Variants in PCYT1A observed in about 807,000 individuals in gnomAD.
PCYT1A encodes the protein phosphate cytidylyltransferase 1A, choline.
PCYT1A carries 25 observed loss-of-function variants against 43.7 expected under a neutral mutation model. That is an observed-to-expected ratio of 0.57 (90% CI 0.42 to 0.80). The LOEUF is 0.80. Among genes scored for constraint, PCYT1A ranks in the 30% least tolerant of loss-of-function variants. PCYT1A has a pLI of 0.00. For missense variants in PCYT1A, 421 were observed against 474.2 expected, an observed-to-expected ratio of 0.89 and a Z score of 1.04; for synonymous variants, 172 against 170.7, an observed-to-expected ratio of 1.01 and a Z score of -0.06.
chr3:196,268,050 G>C lies in PCYT1A; in HGVS notation c.117+2365C>G, dbSNP rs1725326725. 6.6e-6 allele frequency among the ~76,000 whole-genome samples: 1 copy of C among 151,880 alleles called. No individual in the cohort carries two copies. The highest frequency in any genetic ancestry group is 6.6e-5 in the Admixed American group (1 of 15,238). On this transcript the variant is annotated intron_variant, in intron 2 of 8. Coordinates refer to ENST00000431016, the MANE Select transcript of PCYT1A (RefSeq NM_001312673.2). The surrounding 1 kb of genome is among the most constrained non-coding windows in gnomAD (Gnocchi z 4.4). The stretch of plus-strand genomic sequence containing the variant: ...AGGGAGGAATGTGGAATAGGTAGCA[G>C]CAAGTCACTGAACTGATTTCACATG...
intron 3 of PCYT1A, among the ~76,000 whole-genome samples, chr3:196,249,051 C>T (rs1023040967): frequency 6.6e-6 from 1 of 151,672 alleles, no homozygotes; most frequent in Non-Finnish European, 1.5e-5. Flanking sequence ...TGAGCAACCG[C>T]GCCCGGCCCA....
chr3:196,239,447 T>C, intron 8 of PCYT1A, 100 bp downstream of exon 8: 2 of 718,640 alleles, frequency 2.8e-6, no homozygotes, highest in Non-Finnish European at 4.8e-6. Context: ...GGGGATAGAC[T>C]AGATAACTTC....
At chr3:196,267,158 G>A (rs370574416) in intron 2 of PCYT1A, 11 of 264,444 alleles carry the variant, frequency 4.2e-5, no homozygotes, top group African/African-American at 1.1e-4. Context: ...CAGCTTGGGC[G>A]ACAGAGCGAG....
intron 2 of PCYT1A, among the ~76,000 whole-genome samples, chr3:196,262,184 T>C (rs1266739685): frequency 2.0e-5 from 3 of 152,206 alleles, no homozygotes; most frequent in Admixed American, 2.0e-4. Flanking sequence ...TAAGACTATC[T>C]GGTAGTGAGG....
intron 1 of PCYT1A, among the ~76,000 whole-genome samples, chr3:196,274,314 A>G (rs1228477900): frequency 6.6e-6 from 1 of 152,160 alleles, no homozygotes; most frequent in Non-Finnish European, 1.5e-5. Context: ...ACCTACTCCC[A>G]GCTCCCAGTG....
At position 196,242,731 on chromosome 3, in the gene PCYT1A, G is replaced by A; in HGVS notation, c.487-91C>T. 1 of 844,498 alleles carries A rather than the reference G, an allele frequency of 1.2e-6. No homozygotes were observed. The highest frequency in any genetic ancestry group is 2.1e-6 in the Non-Finnish European group (1 of 483,184). The allele number at this position is 844,498 out of a possible 1,614,324, so 52.3% of individuals were successfully genotyped here. On this transcript the variant is annotated intron_variant, in intron 5 of 8. Transcript: ENST00000431016. This position sits in a 1 kb window ranked among gnomAD's most constrained non-coding sequence, Gnocchi z 4.2. ...CTCAGGCCCAGAAAAAGGACAATAG[G>A]CAGAGGCCAGGCCTCAGTGGACTTC...
intron 3 of PCYT1A, among the ~76,000 whole-genome samples, chr3:196,257,098 G>T (rs1724971376): frequency 6.6e-6 from 1 of 152,136 alleles, no homozygotes; most frequent in Non-Finnish European, 1.5e-5. Context: ...AGAGAAGAAA[G>T]AATATTTGCC....
chr3:196,274,293 G>T (rs1398007785), intron 1 of PCYT1A, among the ~76,000 whole-genome samples: 2 of 152,172 alleles, frequency 1.3e-5, no homozygotes, highest in Non-Finnish European at 2.9e-5. Context: ...TTGGAAACGG[G>T]CAGGGCTTCC....
intron 5 of PCYT1A, among the ~76,000 whole-genome samples, chr3:196,244,153 C>G (rs1250580437): frequency 6.8e-6 from 1 of 147,938 alleles, no homozygotes; most frequent in Non-Finnish European, 1.5e-5. Context: ...ACGACCCCGT[C>G]TGGGAACTGA....
At chr3:196,258,576 T>G (rs895388592) in intron 2 of PCYT1A, among the ~76,000 whole-genome samples, 3 of 148,804 alleles carry the variant, frequency 2.0e-5, no homozygotes, top group South Asian at 2.1e-4. Context: ...GTTTTGCTTA[T>G]TCTTTTCCAA....
At chr3:196,257,668 C>T (rs1033886643) in intron 3 of PCYT1A, 120 bp downstream of exon 3, 3 of 608,470 alleles carry the variant, frequency 4.9e-6, no homozygotes, top group Non-Finnish European at 8.9e-6. Flanking sequence ...AGAACCCCTT[C>T]GCTGCTGGCC....
chr3:196,280,058 T>G (rs1725713571), intron 1 of PCYT1A, among the ~76,000 whole-genome samples: 1 of 152,098 alleles, frequency 6.6e-6, no homozygotes, highest in African/African-American at 2.4e-5. Context: ...CTTGAACTCC[T>G]GACCTCAGGT....
chr3:196,261,440 A>T (rs552619077), intron 2 of PCYT1A, among the ~76,000 whole-genome samples: 8 of 152,074 alleles, frequency 5.3e-5, no homozygotes, highest in Non-Finnish European at 7.4e-5. Flanking sequence ...GCAGATCATG[A>T]GGTCAGGAGT....
chr3:196,252,119 G>A lies in PCYT1A; in HGVS notation c.218-3796C>T, dbSNP rs1245933647. Among the ~76,000 whole-genome samples the A allele has an allele frequency of 4.6e-5, 7 of 151,004 alleles. No homozygotes were observed. Among genetic ancestry groups the A allele is most frequent in the African/African-American group, 1.7e-4 (7 of 41,156 alleles). On this transcript the variant is annotated intron_variant, in intron 3 of 8. Coordinates refer to ENST00000431016, the MANE Select transcript of PCYT1A (RefSeq NM_001312673.2). This position sits in a 1 kb window ranked among gnomAD's most constrained non-coding sequence, Gnocchi z 4.0. ...CGCCCCGCAGACTACAGCGCACCCC[G>A]CCACGCCCCACTGGCTACAGTGCAC...
At position 196,247,875 on chromosome 3, in the gene PCYT1A, G is replaced by T; in HGVS notation, c.334+332C>A. 1 of 482,484 alleles carries T rather than the reference G, an allele frequency of 2.1e-6. No individual in the cohort carries two copies. The highest frequency in any genetic ancestry group is 3.8e-6 in the Non-Finnish European group (1 of 263,076). The allele number at this position is 482,484 out of a possible 1,614,324, so 29.9% of individuals were successfully genotyped here. A position where few individuals can be genotyped will look rare whatever the true frequency, so the allele number is the denominator to read the frequency against. ...GACTGGACCACCTAACATTTCCTTG[G>T]CAGACTTTTGTACTCCAGTTAATTC... On this transcript the variant is annotated intron_variant, in intron 4 of 8. Transcript: ENST00000431016. This position sits in a 1 kb window ranked among gnomAD's most constrained non-coding sequence, Gnocchi z 4.8.
At chr3:196,254,512 G>A (rs919027197) in intron 3 of PCYT1A, among the ~76,000 whole-genome samples, 7 of 151,934 alleles carry the variant, frequency 4.6e-5, no homozygotes, top group African/African-American at 1.5e-4. Flanking sequence ...CACCACACCT[G>A]GCTAATTATT....
chr3:196,284,791 A>G (rs941865452), intron 1 of PCYT1A, among the ~76,000 whole-genome samples: 1 of 152,244 alleles, frequency 6.6e-6, no homozygotes, highest in African/African-American at 2.4e-5. Context: ...CATTTCATTC[A>G]GCAAAGAAAA....
chr3:196,239,449 G>A (rs1273443050), intron 8 of PCYT1A, 98 bp downstream of exon 8: 1 of 735,988 alleles, frequency 1.4e-6, no homozygotes, highest in Admixed American at 2.5e-5. Context: ...GGATAGACTA[G>A]ATAACTTCTC....
chr3:196,242,348 A>C lies in PCYT1A; in HGVS notation c.565+214T>G. The C allele has an allele frequency of 1.5e-6, 1 of 686,860 alleles. No individual in the cohort carries two copies. Among genetic ancestry groups the C allele is most frequent in the Non-Finnish European group, 2.7e-6 (1 of 374,764 alleles). 42.5% of individuals were successfully genotyped at this position (686,860 alleles called of 1,614,324 possible). On this transcript the variant is annotated intron_variant, in intron 6 of 8. Transcript: ENST00000431016. This position sits in a 1 kb window ranked among gnomAD's most constrained non-coding sequence, Gnocchi z 4.2. Reference sequence around the variant, plus strand: ...TTCCTGAAATTAAGAGAGATATCCAAAGTAGATGTTTAGACCAAGAATTGA... The same window carrying C: ...TTCCTGAAATTAAGAGAGATATCCACAGTAGATGTTTAGACCAAGAATTGA...
Sources: allele counts gnomAD v4.1 joint callset (sites outside exome capture counted in the v4.1 genomes callset), GRCh38; gene constraint gnomAD v4.1.1; non-coding constraint Gnocchi (gnomAD v3.1); transcripts MANE v1.5; gene names NCBI Gene and HGNC (gene_info 2026-07-23, HGNC 2026-07-21).